CPQ: variants seen among roughly 807,000 people sequenced by gnomAD.
CPQ encodes the protein Ser-Met dipeptidase.
Under a neutral mutation model 45.7 loss-of-function variants are expected in CPQ, and 37 were observed. That is an observed-to-expected ratio of 0.81 (90% CI 0.62 to 1.07). The LOEUF is 1.07. Among genes scored for constraint, CPQ ranks in the 50% least tolerant of loss-of-function variants. The pLI is 0.00. For synonymous variants in CPQ, 186 were observed against 205.8 expected (o/e 0.90, Z 0.82); for missense variants, 537 against 572.9 (o/e 0.94, Z 0.64).
In CPQ at chr8:96,742,852, G is replaced by T. The variant is rs893286517; in HGVS notation, c.-34-42012G>T. Among the ~76,000 whole-genome samples, 217 of 152,242 alleles carry T rather than the reference G, an allele frequency of 1.4e-3. 1 individual carries two copies. The highest frequency in any genetic ancestry group is 2.4e-3 in the Non-Finnish European group (165 of 68,014). ...GTTTCTGCCGAGAGATCTGCTGTTA[G>T]TCTGATGGGCTTCCCTTTGAGGGTA... On this transcript the variant is annotated intron_variant, in intron 1 of 7. Coordinates refer to ENST00000220763, the MANE Select transcript of CPQ (RefSeq NM_016134.4).
intron 1 of CPQ, chr8:96,680,412 G>A (rs1257875256): frequency 6.6e-6 from 1 of 152,142 alleles, no homozygotes; most frequent in Non-Finnish European, 1.5e-5. Context: ...TAGTGAATAA[G>A]TCTCATGGGA....
In CPQ at chr8:96,876,703, A is replaced by G. The variant is rs1039843197; in HGVS notation, c.642-3095A>G. On this transcript the variant is annotated intron_variant, in intron 3 of 7. Coordinates refer to ENST00000220763, the MANE Select transcript of CPQ (RefSeq NM_016134.4). ...GGATAATCATGTGGTATTGTCCTTT[A>G]TTATATTAAAATAGTATATTACATC... Among the ~76,000 whole-genome samples, 30 of 152,196 alleles carry G rather than the reference A, an allele frequency of 2.0e-4. 1 individual carries two copies. The highest frequency in any genetic ancestry group is 1.9e-3 in the Admixed American group (29 of 15,272).
At chr8:96,763,973 G>C (rs1810437353) in intron 1 of CPQ, among the ~76,000 whole-genome samples, 1 of 152,090 alleles carries the variant, frequency 6.6e-6, no homozygotes, top group Admixed American at 6.6e-5. Flanking sequence ...CAACTTGGCA[G>C]TTTAAAAAAG....
intron 3 of CPQ, among the ~76,000 whole-genome samples, chr8:96,858,894 A>ATG (rs1554573527): frequency 6.6e-6 from 1 of 152,062 alleles, no homozygotes; most frequent in Non-Finnish European, 1.5e-5. Flanking sequence ...ACATATGTAT[A>ATG]TGTGTGTGTG....
At chr8:97,018,550 C>T (rs543086309) in intron 5 of CPQ, among the ~76,000 whole-genome samples, 1 of 152,060 alleles carries the variant, frequency 6.6e-6, no homozygotes, top group Non-Finnish European at 1.5e-5. Flanking sequence ...AAAAAACAAT[C>T]AAAACTTCAG....
At chr8:96,951,167 T>C (rs1057110555) in intron 4 of CPQ, among the ~76,000 whole-genome samples, 1 of 152,116 alleles carries the variant, frequency 6.6e-6, no homozygotes, top group Admixed American at 6.6e-5. Context: ...AAAAAAACCC[T>C]GATATTTGCC....
intron 4 of CPQ, among the ~76,000 whole-genome samples, chr8:96,952,615 A>G (rs776370983): frequency 1.9e-4 from 29 of 152,118 alleles, no homozygotes; most frequent in Admixed American, 5.9e-4. Flanking sequence ...TGATGAGACT[A>G]TTATAAGGGG....
intron 1 of CPQ, among the ~76,000 whole-genome samples, chr8:96,694,285 A>G (rs553850971): frequency 2.0e-5 from 3 of 152,302 alleles, no homozygotes; most frequent in South Asian, 2.1e-4. Flanking sequence ...ATAACGTTTA[A>G]TGTAAATGGA....
At chr8:96,734,617 A>G (rs1332189148) in intron 1 of CPQ, among the ~76,000 whole-genome samples, 1 of 152,058 alleles carries the variant, frequency 6.6e-6, no homozygotes, top group East Asian at 1.9e-4. Context: ...AGGCTGAGGC[A>G]GGGGAATGGC....
chr8:96,979,157 C>G (rs143676964), intron 5 of CPQ, among the ~76,000 whole-genome samples: 4 of 151,666 alleles, frequency 2.6e-5, no homozygotes, highest in Admixed American at 6.6e-5. Context: ...GGGTGGGAAA[C>G]GAGTAAAGTG....
intron 7 of CPQ, among the ~76,000 whole-genome samples, chr8:97,119,052 G>A (rs193249829): frequency 1.3e-5 from 2 of 152,186 alleles, no homozygotes; most frequent in East Asian, 3.9e-4. Flanking sequence ...CCCAGGACCA[G>A]GCGTGGTGGC....
chr8:96,714,037 T>G (rs1048737407), intron 1 of CPQ, among the ~76,000 whole-genome samples: 1 of 152,222 alleles, frequency 6.6e-6, no homozygotes, highest in African/African-American at 2.4e-5. Flanking sequence ...CTTTATAAGT[T>G]TTCTGATACT....
chr8:97,017,599 G>A lies in CPQ; in HGVS notation c.962-11804G>A, dbSNP rs190212057. On this transcript the variant is annotated intron_variant, in intron 5 of 7. Transcript: ENST00000220763. Reference sequence around the variant, plus strand: ...AGTGAGAGTGAGATCAGCCCTTTGGGTTGCCTGGGAGCTGGATGAGGCCTG... The same window carrying A: ...AGTGAGAGTGAGATCAGCCCTTTGGATTGCCTGGGAGCTGGATGAGGCCTG... 5.3e-3 allele frequency among the ~76,000 whole-genome samples: 802 copies of A among 152,086 alleles called. 3 individuals carry two copies. Among genetic ancestry groups the A allele is most frequent in the Non-Finnish European group, 8.1e-3 (548 of 68,006 alleles).
At chr8:97,120,197 C>T (rs1197386203) in intron 7 of CPQ, among the ~76,000 whole-genome samples, 1 of 152,174 alleles carries the variant, frequency 6.6e-6, no homozygotes, top group Non-Finnish European at 1.5e-5. Flanking sequence ...CTTCATGTGG[C>T]TGAAAGCAGC....
chr8:96,926,589 T>C (rs1483212935), intron 4 of CPQ, among the ~76,000 whole-genome samples: 1 of 142,932 alleles, frequency 7.0e-6, no homozygotes, highest in Non-Finnish European at 1.5e-5. Flanking sequence ...TTCTTCTTCT[T>C]CTTCTTCTTC....
chr8:96,666,373 C>A (rs1808924994), intron 1 of CPQ, among the ~76,000 whole-genome samples: 1 of 152,020 alleles, frequency 6.6e-6, no homozygotes, highest in Non-Finnish European at 1.5e-5. Context: ...CCCTGGATGC[C>A]AGAACATTAA....
intron 6 of CPQ, among the ~76,000 whole-genome samples, chr8:97,039,533 G>C (rs2130485569): frequency 6.6e-6 from 1 of 150,544 alleles, no homozygotes; most frequent in African/African-American, 2.4e-5. Flanking sequence ...TGCACAATGT[G>C]CAGGTTAGTT....
intron 6 of CPQ, among the ~76,000 whole-genome samples, chr8:97,037,274 T>C (rs900470599): frequency 3.9e-5 from 6 of 152,256 alleles, no homozygotes; most frequent in Non-Finnish European, 7.3e-5. Context: ...ATTTTTATTT[T>C]ACTAACTCTA....
chr8:96,654,145 A>C (rs1167861455), intron 1 of CPQ, among the ~76,000 whole-genome samples: 1 of 152,178 alleles, frequency 6.6e-6, no homozygotes, highest in Non-Finnish European at 1.5e-5. Context: ...ATCATAAGGC[A>C]CTGGTTCAGA....
Sources: gnomAD v4.1 joint callset for allele counts (sites outside exome capture counted in the v4.1 genomes callset) on GRCh38, gnomAD v4.1.1 for gene constraint, MANE v1.5 for transcripts, NCBI Gene and HGNC (gene_info 2026-07-23, HGNC 2026-07-21) for gene names.